The following PCDH15 variants were observed in gnomAD, a reference collection of about 807,000 sequenced individuals.
The protein encoded by PCDH15 is protocadherin related 15.
A neutral mutation model predicts 178.5 loss-of-function variants in PCDH15; 129 were observed. The ratio of observed to expected loss-of-function variants is 0.72; its 90% CI spans 0.63 to 0.84. PCDH15 has a LOEUF of 0.84. Among genes scored for constraint, PCDH15 ranks in the 40% least tolerant of loss-of-function variants. The probability of loss-of-function intolerance (pLI) is 0.00; values close to 1 mark genes in which losing one functional copy is unlikely to be tolerated. For synonymous variants in PCDH15, 800 were observed against 732.0 expected, an observed-to-expected ratio of 1.09 and a Z score of -1.50; for missense variants, 2,230 against 2,099.9, an observed-to-expected ratio of 1.06 and a Z score of -1.21.
intron 1 of PCDH15, among the ~76,000 whole-genome samples, chr10:54,701,557 A>G (rs1215459724): frequency 2.6e-5 from 4 of 152,062 alleles, no homozygotes; most frequent in Admixed American, 6.6e-5. Context: ...CTTCAAGAGA[A>G]CTATTTCACA....
rs76465931 is a variant in PCDH15, at chr10:55,500,855, A to G, written c.-156+126770T>C. 4.4e-3 allele frequency among the ~76,000 whole-genome samples: 668 copies of G among 151,952 alleles called. 5 individuals carry two copies. Among genetic ancestry groups the G allele is most frequent in the African/African-American group, 0.015 (639 of 41,528 alleles). Reference sequence around the variant, plus strand: ...ATACATATTTGTTAATATTTCACAAATATATATTGATTAGTTGACTCTTTA... The same window carrying G: ...ATACATATTTGTTAATATTTCACAAGTATATATTGATTAGTTGACTCTTTA... On this transcript the variant is annotated intron_variant, in intron 2 of 5. Coordinates refer to the PCDH15 transcript ENST00000613346.
intron 1 of PCDH15, among the ~76,000 whole-genome samples, chr10:55,270,911 A>G (rs1842427169): frequency 6.6e-6 from 1 of 152,182 alleles, no homozygotes; most frequent in Non-Finnish European, 1.5e-5. Context: ...GGTAGAGTGA[A>G]TAAAGAAAAT....
intron 3 of PCDH15, among the ~76,000 whole-genome samples, chr10:54,435,030 T>C (rs1470818171): frequency 6.8e-6 from 1 of 146,766 alleles, no homozygotes; most frequent in Non-Finnish European, 1.5e-5. Flanking sequence ...TGTATTTATT[T>C]ACTTCTCTGT....
chr10:54,801,682 T>TAA (rs1952657203), upstream of PCDH15, among the ~76,000 whole-genome samples: 1 of 152,024 alleles, frequency 6.6e-6, no homozygotes, highest in Non-Finnish European at 1.5e-5. Context: ...GCCCTCCACA[T>TAA]CTTTGGGGCA....
chr10:54,712,963 T>C (rs1157805255), intron 1 of PCDH15, among the ~76,000 whole-genome samples: 2 of 152,044 alleles, frequency 1.3e-5, no homozygotes, highest in Admixed American at 6.6e-5. Flanking sequence ...ATAGAAAACG[T>C]TGGCACAGAT....
At chr10:54,113,063 T>C (rs997232314) in intron 15 of PCDH15, among the ~76,000 whole-genome samples, 4 of 152,148 alleles carry the variant, frequency 2.6e-5, no homozygotes, top group Non-Finnish European at 4.4e-5. Flanking sequence ...TTAGCATATT[T>C]TGTGGTGCCT....
intron 2 of PCDH15, among the ~76,000 whole-genome samples, chr10:54,939,494 CAAAAAAAA>C (rs71014430): frequency 2.8e-3 from 76 of 26,684 alleles, no homozygotes; most frequent in Middle Eastern, 0.036. Flanking sequence ...GACTCCGTCT[CAAAAAAAA>C]AAAAAAAAAA....
chr10:55,514,136 T>A (rs1002792871), intron 2 of PCDH15, among the ~76,000 whole-genome samples: 1 of 152,140 alleles, frequency 6.6e-6, no homozygotes, highest in African/African-American at 2.4e-5. Context: ...AGATTTCATA[T>A]AATAAAACAT....
At chr10:54,165,235 T>C (rs2046102560) in intron 13 of PCDH15, among the ~76,000 whole-genome samples, 1 of 152,082 alleles carries the variant, frequency 6.6e-6, no homozygotes, top group Admixed American at 6.6e-5. Context: ...CTTACGCATA[T>C]CCTAGAATAA....
intron 2 of PCDH15, among the ~76,000 whole-genome samples, chr10:55,584,831 G>GT (rs1842693663): frequency 1.3e-5 from 2 of 151,434 alleles, no homozygotes; most frequent in Admixed American, 1.3e-4. Context: ...TTGGTAAAAT[G>GT]TTAGGCTATA....
In PCDH15 at chr10:54,774,154, G is replaced by C. The variant is rs570994882; in HGVS notation, c.-29+26771C>G. On this transcript the variant is annotated intron_variant, in intron 1 of 37. Coordinates refer to ENST00000644397, the MANE Select transcript of PCDH15 (RefSeq NM_001384140.1). ...CACCACTCTCCTGCCTCAACCTCCC[G>C]AGTAGCTAGGACCACAGGCGCCTGC... Among the ~76,000 whole-genome samples, 5 of 150,954 alleles carry C rather than the reference G, an allele frequency of 3.3e-5. No homozygotes were observed. The South Asian group carries it at 1.0e-3, about 32-fold the overall frequency.
At chr10:55,448,997 T>C (rs572229577) in intron 2 of PCDH15, among the ~76,000 whole-genome samples, 2 of 152,188 alleles carry the variant, frequency 1.3e-5, no homozygotes, top group Non-Finnish European at 2.9e-5. Flanking sequence ...TCTCATACTT[T>C]ATATTTAATC....
intron 10 of PCDH15, among the ~76,000 whole-genome samples, chr10:54,211,285 G>A (rs1042508954): frequency 3.3e-5 from 5 of 152,020 alleles, no homozygotes; most frequent in Non-Finnish European, 4.4e-5. Context: ...CAAAGACAAT[G>A]GACATAAACA....
At chr10:54,910,092 T>C (rs936193459) in intron 2 of PCDH15, among the ~76,000 whole-genome samples, 4 of 152,114 alleles carry the variant, frequency 2.6e-5, no homozygotes, top group African/African-American at 7.2e-5. Context: ...GGAGGTGGCA[T>C]AGTTAGCTGC....
intron 2 of PCDH15, among the ~76,000 whole-genome samples, chr10:54,571,262 G>C (rs899244420): frequency 6.7e-6 from 1 of 149,316 alleles, no homozygotes; most frequent in African/African-American, 2.5e-5. Context: ...CAGAGATCTT[G>C]GCAAATGAGA....
chr10:55,086,879 T>G (rs570000360), intron 2 of PCDH15, among the ~76,000 whole-genome samples: 5 of 152,072 alleles, frequency 3.3e-5, no homozygotes, highest in Non-Finnish European at 7.4e-5. Flanking sequence ...TTTGTGGTTG[T>G]GTATAAGAAA....
chr10:54,825,744 C>T (rs1166526365), intron 3 of PCDH15, among the ~76,000 whole-genome samples: 2 of 152,068 alleles, frequency 1.3e-5, no homozygotes, highest in Non-Finnish European at 2.9e-5. Context: ...CCTACTTTTA[C>T]AATTTAAATG....
At chr10:54,739,180 T>A (rs1944473619) in intron 1 of PCDH15, among the ~76,000 whole-genome samples, 1 of 151,908 alleles carries the variant, frequency 6.6e-6, no homozygotes, top group Admixed American at 6.6e-5. Context: ...AACCTAAGGA[T>A]TCCACTAGAA....
At chr10:54,735,400 T>C (rs1027029297) in intron 1 of PCDH15, among the ~76,000 whole-genome samples, 18 of 152,018 alleles carry the variant, frequency 1.2e-4, no homozygotes, top group African/African-American at 3.9e-4. Flanking sequence ...CTTTTTCATG[T>C]GTTTTACACT....
Sources: allele counts gnomAD v4.1 joint callset (sites outside exome capture counted in the v4.1 genomes callset), GRCh38; gene constraint gnomAD v4.1.1; transcripts MANE v1.5; gene names NCBI Gene and HGNC (gene_info 2026-07-23, HGNC 2026-07-21).